Variants in XIAP observed in about 807,000 individuals in gnomAD.
XIAP encodes X-linked inhibitor of apoptosis.
Under a neutral mutation model 33.1 loss-of-function variants are expected in XIAP, and 3 were observed. The observed-to-expected ratio is 0.09, with a 90% CI of 0.04 to 0.23. The LOEUF is 0.23. Among genes scored for constraint, XIAP ranks in the 10% least tolerant of loss-of-function variants. The pLI is 1.00. For synonymous variants in XIAP, 98 were observed against 121.3 expected, an observed-to-expected ratio of 0.81 and a Z score of 1.26; for missense variants, 264 against 363.0, an observed-to-expected ratio of 0.73 and a Z score of 2.22.
rs183936382 is a variant in XIAP at position 123,911,156 on chromosome X, C to A, written c.*3975C>A. ...TTACATGATAACTCAGTGATGCTTA[C>A]TCATAGTTTTTGGTGTTTCTCATAG... On this transcript the variant is annotated 3_prime_UTR_variant, in exon 7 of 7. Transcript: ENST00000371199. The A allele has an allele frequency of 5.5e-5, 18 of 327,060 alleles. No individual in the cohort carries two copies. The East Asian group carries it at 1.6e-3, about 28-fold the overall frequency. 27.0% of individuals were successfully genotyped at this position (327,060 alleles called of 1,213,427 possible). A position where few individuals can be genotyped will look rare whatever the true frequency, so the allele number is the denominator to read the frequency against.
At chrX:123,890,152 G>A (rs2053392545) in intron 3 of XIAP, among the ~76,000 whole-genome samples, 1 of 99,401 alleles carries the variant, frequency 1.0e-5, no homozygotes, top group African/African-American at 3.7e-5. Context: ...GAGTAGCTGG[G>A]ACTACAGGCG....
In XIAP at chrX:123,910,159, G is replaced by A. The variant is rs1198308867; in HGVS notation, c.*2978G>A. ...AGCATTGTCTTAATTTTTGAGAACTGGTTTTAGCATTTACAAACTAAATTC... is the reference window on the plus strand; with the variant it reads ...AGCATTGTCTTAATTTTTGAGAACTAGTTTTAGCATTTACAAACTAAATTC... On this transcript the variant is annotated 3_prime_UTR_variant, in exon 7 of 7. Transcript: ENST00000371199. 1 of 326,790 alleles carries A rather than the reference G, an allele frequency of 3.1e-6. No homozygotes were observed. Among genetic ancestry groups the A allele is most frequent in the South Asian group, 2.7e-5 (1 of 37,548 alleles). 26.9% of individuals were successfully genotyped at this position (326,790 alleles called of 1,213,427 possible).
At position 123,860,281 on chromosome X, in the gene XIAP, C is replaced by T. The variant is rs1429676202; in HGVS notation, c.-45C>T. The T allele has an allele frequency of 3.0e-6, 1 of 329,955 alleles. No individual in the cohort carries two copies. 27.2% of individuals were successfully genotyped at this position (329,955 alleles called of 1,213,427 possible). The stretch of plus-strand genomic sequence containing the variant: ...ATCGCCGCGGGGCAGTTCGGGCCGG[C>T]TGTCCTGGCGCGGTGGGTACAGCTT... On this transcript the variant is annotated 5_prime_UTR_variant, in exon 1 of 7. Coordinates refer to ENST00000371199, the MANE Select transcript of XIAP (RefSeq NM_001167.4).
chrX:123,879,467 C>T (rs1279867651), intron 1 of XIAP, among the ~76,000 whole-genome samples: 3 of 107,731 alleles, frequency 2.8e-5, no homozygotes, highest in Non-Finnish European at 5.8e-5. Context: ...CAGGCGCCCG[C>T]CACCATCCCA....
At chrX:123,862,246 T>C (rs1362078293) in intron 1 of XIAP, among the ~76,000 whole-genome samples, 2 of 109,016 alleles carry the variant, frequency 1.8e-5, no homozygotes, top group African/African-American at 6.7e-5. Flanking sequence ...TTTTTGTATT[T>C]TTAGTAGACA....
intron 1 of XIAP, among the ~76,000 whole-genome samples, chrX:123,884,300 C>G (rs1569477703): frequency 9.0e-6 from 1 of 110,815 alleles, no homozygotes; most frequent in South Asian, 3.8e-4. Context: ...CCTGACCAAC[C>G]TGGAGAAACC....
chrX:123,912,337 G>T lies in XIAP; in HGVS notation c.*5156G>T. 1 of 307,640 alleles carries T rather than the reference G, an allele frequency of 3.3e-6. No homozygotes were observed. Among genetic ancestry groups the T allele is most frequent in the Admixed American group, 3.5e-5 (1 of 28,484 alleles). 25.4% of individuals were successfully genotyped at this position (307,640 alleles called of 1,213,427 possible). A position where few individuals can be genotyped will look rare whatever the true frequency, so the allele number is the denominator to read the frequency against. On this transcript the variant is annotated 3_prime_UTR_variant, in exon 7 of 7. Coordinates refer to ENST00000371199, the MANE Select transcript of XIAP (RefSeq NM_001167.4). ...AACTATTTACATAGCATTAAGGTTG[G>T]TGCAAAAATGCAAAAAAAAAAAAAG... is the stretch of plus-strand genomic sequence containing the variant.
At chrX:123,862,074 T>C (rs941104839) in intron 1 of XIAP, among the ~76,000 whole-genome samples, 8 of 110,734 alleles carry the variant, frequency 7.2e-5, no homozygotes, top group Non-Finnish European at 1.5e-4. Context: ...TTTTATCAAT[T>C]AATTAATTAA....
chrX:123,878,743 C>T, intron 1 of XIAP: 1 of 112,193 alleles, frequency 8.9e-6, no homozygotes, highest in Non-Finnish European at 1.9e-5. Flanking sequence ...TTTATGTTAA[C>T]GATTCCAGGC....
rs2148118276 is a variant in XIAP at position 123,913,617 on chromosome X, A to T, written c.*6436A>T. On this transcript the variant is annotated 3_prime_UTR_variant, in exon 7 of 7. Coordinates refer to ENST00000371199, the MANE Select transcript of XIAP (RefSeq NM_001167.4). ...TTCTGTATCATTAATGTAATATTTT[A>T]AATTACTATATATGTTACCATTTTT... The T allele has an allele frequency of 3.1e-6, 1 of 321,984 alleles. No individual in the cohort carries two copies. The highest frequency in any genetic ancestry group is 2.7e-5 in the African/African-American group (1 of 37,498). 26.5% of individuals were successfully genotyped at this position (321,984 alleles called of 1,213,427 possible).
At position 123,869,362 on chromosome X, in the gene XIAP, C is replaced by CAAAAAAAAAAAAAAAAAAAA. The variant is rs57436822; in HGVS notation, c.-33+9072_-33+9091dup. Among the ~76,000 whole-genome samples, 57 of 29,723 alleles carry CAAAAAAAAAAAAAAAAAAAA rather than the reference C, an allele frequency of 1.9e-3. 6 individuals carry two copies. Among genetic ancestry groups the CAAAAAAAAAAAAAAAAAAAA allele is most frequent in the African/African-American group, 3.2e-3 (21 of 6,666 alleles). The allele number at this position is 29,723 out of a possible 115,157, so 25.8% of individuals were successfully genotyped here. The stretch of plus-strand genomic sequence containing the variant: ...AAACCCCATCTCTACTAAAAAAATA[C>CAAAAAAAAAAAAAAAAAAAA]AAAAAAAAAAAAAAAAAAAAAAGCT... On this transcript the variant is annotated intron_variant, in intron 1 of 6. Coordinates refer to ENST00000371199, the MANE Select transcript of XIAP (RefSeq NM_001167.4).
chrX:123,881,939 G>A (rs944636927), intron 1 of XIAP, among the ~76,000 whole-genome samples: 2 of 110,375 alleles, frequency 1.8e-5, no homozygotes, highest in African/African-American at 6.6e-5. Context: ...GTTTTTGGTA[G>A]AGATGGGGTT....
chrX:123,895,117 C>T (rs868360165), intron 5 of XIAP, among the ~76,000 whole-genome samples: 42 of 111,724 alleles, frequency 3.8e-4, no homozygotes, highest in Non-Finnish European at 5.3e-4. Flanking sequence ...TCCATGCTCA[C>T]CCATCAACAG....
intron 6 of XIAP, among the ~76,000 whole-genome samples, chrX:123,905,308 C>A (rs762611762): frequency 2.1e-4 from 24 of 111,805 alleles, no homozygotes; most frequent in Non-Finnish European, 4.0e-4. Context: ...CCAAGCTTTG[C>A]CTGTGCACTT....
chrX:123,909,138 C>T lies in XIAP; in HGVS notation c.*1957C>T, dbSNP rs923181387. 7.4e-6 allele frequency: 2 copies of T among 270,314 alleles called. No homozygotes were observed. The highest frequency in any genetic ancestry group is 1.0e-4 in the East Asian group (1 of 10,033). The allele number at this position is 270,314 out of a possible 1,213,427, so 22.3% of individuals were successfully genotyped here. On this transcript the variant is annotated 3_prime_UTR_variant, in exon 7 of 7. Coordinates refer to ENST00000371199, the MANE Select transcript of XIAP (RefSeq NM_001167.4). ...CCGCCTTCTGGGTTCAAGCGATTCT[C>T]GTGCCTCAGCTTCCTGAGTAGCTGG...
intron 1 of XIAP, chrX:123,860,541 C>G (rs778962649): frequency 4.0e-6 from 1 of 248,971 alleles, no homozygotes; most frequent in East Asian, 1.1e-4. Context: ...CCTGTGACAC[C>G]TAAGGTAAAT....
At position 123,913,588 on chromosome X, in the gene XIAP, C is replaced by G. The variant is rs1205730089; in HGVS notation, c.*6407C>G. 3.1e-6 allele frequency: 1 copy of G among 323,492 alleles called. No homozygotes were observed. Among genetic ancestry groups the G allele is most frequent in the South Asian group, 2.7e-5 (1 of 36,483 alleles). The allele number at this position is 323,492 out of a possible 1,213,427, so 26.7% of individuals were successfully genotyped here. A position where few individuals can be genotyped will look rare whatever the true frequency, so the allele number is the denominator to read the frequency against. On this transcript the variant is annotated 3_prime_UTR_variant, in exon 7 of 7. Transcript: ENST00000371199. ...ATAGATTTTTGGAGTTTACCACTTT[C>G]TTATTCTGTATCATTAATGTAATAT... is the stretch of plus-strand genomic sequence containing the variant.
chrX:123,896,527 G>C (rs765373266), intron 5 of XIAP, among the ~76,000 whole-genome samples: 1 of 108,733 alleles, frequency 9.2e-6, no homozygotes, highest in African/African-American at 3.3e-5. Flanking sequence ...ATATATAAAA[G>C]TTCCTGTCAG....
At chrX:123,897,711 T>C (rs1472643508) in intron 5 of XIAP, among the ~76,000 whole-genome samples, 1 of 111,495 alleles carries the variant, frequency 9.0e-6, no homozygotes, top group African/African-American at 3.3e-5. Flanking sequence ...TACAGGCACA[T>C]GCCACTGCGC....
Sources: gnomAD v4.1 joint callset for allele counts (sites outside exome capture counted in the v4.1 genomes callset) on GRCh38, gnomAD v4.1.1 for gene constraint, MANE v1.5 for transcripts, NCBI Gene and HGNC (gene_info 2026-07-23, HGNC 2026-07-21) for gene names.